The following TFDP1 variants were observed in gnomAD, a reference collection of about 807,000 sequenced individuals.
TFDP1 encodes transcription factor Dp-1.
A neutral mutation model predicts 48.0 loss-of-function variants in TFDP1; 6 were observed. The ratio of observed to expected loss-of-function variants is 0.13; its 90% CI spans 0.07 to 0.25. TFDP1 has a LOEUF of 0.25. Ranked by LOEUF, TFDP1 falls within the 10% of genes least tolerant of loss-of-function variation. TFDP1 has a pLI of 1.00. For synonymous variants in TFDP1, 201 were observed against 211.6 expected (o/e 0.95, Z 0.44); for missense variants, 335 against 543.0 (o/e 0.62, Z 3.81).
At chr13:113,594,517 C>T (rs1009423112) in intron 2 of TFDP1, among the ~76,000 whole-genome samples, 1 of 148,000 alleles carries the variant, frequency 6.8e-6, no homozygotes, top group Non-Finnish European at 1.5e-5. Flanking sequence ...GTCCTCAGCC[C>T]TGCCCAGGTG....
intron 2 of TFDP1, among the ~76,000 whole-genome samples, chr13:113,595,269 G>A (rs2140302472): frequency 6.6e-6 from 1 of 152,312 alleles, no homozygotes; most frequent in East Asian, 1.9e-4. Context: ...CCCCTTCTTG[G>A]AGAGTGGGCC....
chr13:113,633,182 G>A lies in TFDP1; in HGVS notation c.371G>A (p.Cys124Tyr). Residue 124 changes from cysteine to tyrosine, a missense_variant, in exon 6 of 12, where the codon TGC becomes TAC. This residue lies in a region of TFDP1 where 28 missense variants were observed against 115.5 expected (regional missense o/e 0.24). Coordinates refer to ENST00000375370, the MANE Select transcript of TFDP1 (RefSeq NM_007111.5). The surrounding 1 kb of genome is among the most constrained non-coding windows in gnomAD (Gnocchi z 4.5). ...KGLRHFSMKV[C>Y]EKVQRKGTTS... ...CTACGGCATTTCTCCATGAAGGTCTGCGAGAAGGTGCAGAGGAAAGGGACC... is the reference window on the plus strand; with the variant it reads ...CTACGGCATTTCTCCATGAAGGTCTACGAGAAGGTGCAGAGGAAAGGGACC... 1 of 1,614,158 alleles carries A rather than the reference G, an allele frequency of 6.2e-7. No individual in the cohort carries two copies.
At position 113,640,105 on chromosome 13, in the gene TFDP1, C is replaced by T. The variant is rs1594550952; in HGVS notation, c.1086-15C>T. The T allele has an allele frequency of 1.3e-6, 2 of 1,578,608 alleles. No individual in the cohort carries two copies. Among genetic ancestry groups the T allele is most frequent in the East Asian group, 4.6e-5 (2 of 43,332 alleles). On this transcript the variant is annotated splice_polypyrimidine_tract_variant and intron_variant, in intron 11 of 11. Coordinates refer to ENST00000375370, the MANE Select transcript of TFDP1 (RefSeq NM_007111.5). The stretch of plus-strand genomic sequence containing the variant: ...CCGCCTGCACTGACGGCGCCATCCG[C>T]CTCCTGCCTTGCAGTGACCTGACCA...
In TFDP1 at chr13:113,640,657, T is replaced by C. The variant is rs1594552408; in HGVS notation, c.*390T>C. The C allele has an allele frequency of 3.9e-6, 1 of 258,994 alleles. No individual in the cohort carries two copies. The highest frequency in any genetic ancestry group is 1.7e-4 in the East Asian group (1 of 5,874). 16.0% of individuals were successfully genotyped at this position (258,994 alleles called of 1,614,324 possible). A position where few individuals can be genotyped will look rare whatever the true frequency, so the allele number is the denominator to read the frequency against. On this transcript the variant is annotated 3_prime_UTR_variant, in exon 12 of 12. Coordinates refer to ENST00000375370, the MANE Select transcript of TFDP1 (RefSeq NM_007111.5). ...GATGGTGAGCCCCTGATGCCGCTTA[T>C]TTGCCGTGAGTTTGGACGGCACCCC...
intron 4 of TFDP1, among the ~76,000 whole-genome samples, chr13:113,630,238 C>G (rs185392012): frequency 6.6e-6 from 1 of 152,092 alleles, no homozygotes; most frequent in African/African-American, 2.4e-5. Flanking sequence ...GGAGATTTAT[C>G]TTTTGTATGG....
intron 3 of TFDP1, among the ~76,000 whole-genome samples, chr13:113,613,444 T>C (rs1876278285): frequency 6.6e-6 from 1 of 152,278 alleles, no homozygotes; most frequent in Non-Finnish European, 1.5e-5. Flanking sequence ...CAATGTTCAC[T>C]TCCGGTGTTC....
chr13:113,638,256 C>T (rs1020951183), intron 11 of TFDP1, among the ~76,000 whole-genome samples: 1 of 152,118 alleles, frequency 6.6e-6, no homozygotes, highest in Admixed American at 6.5e-5. Flanking sequence ...GGTCACAGCG[C>T]ACGTATTTTT....
rs920193858 is a variant in TFDP1 at position 113,627,238 on chromosome 13, G to A, written c.186+3952G>A. On this transcript the variant is annotated intron_variant, in intron 4 of 11. Coordinates refer to ENST00000375370, the MANE Select transcript of TFDP1 (RefSeq NM_007111.5). The surrounding 1 kb of genome is among the most constrained non-coding windows in gnomAD (Gnocchi z 4.1). ...ACCTGCACCAGTCAGCAGGCGCAGG[G>A]CTTGTCAAGGTCAGGGTCTTTTGAG... 1.3e-5 allele frequency among the ~76,000 whole-genome samples: 2 copies of A among 152,214 alleles called. No homozygotes were observed. The highest frequency in any genetic ancestry group is 4.8e-5 in the African/African-American group (2 of 41,440).
chr13:113,595,062 T>C (rs1432101746), intron 2 of TFDP1, among the ~76,000 whole-genome samples: 1 of 152,242 alleles, frequency 6.6e-6, no homozygotes, highest in African/African-American at 2.4e-5. Flanking sequence ...GTGTTTTCTC[T>C]GGTCAGTTAT....
chr13:113,600,490 G>A (rs1322211942), intron 2 of TFDP1, among the ~76,000 whole-genome samples: 3 of 81,800 alleles, frequency 3.7e-5, no homozygotes, highest in African/African-American at 2.2e-4. Flanking sequence ...CCATGAGAGA[G>A]AATCCTTGTA....
At chr13:113,606,815 G>A (rs1393683479) in intron 2 of TFDP1, among the ~76,000 whole-genome samples, 1 of 152,172 alleles carries the variant, frequency 6.6e-6, no homozygotes, top group Non-Finnish European at 1.5e-5. Context: ...TATTTTCAGT[G>A]TTTGTCAAAC....
intron 1 of TFDP1, 97 bp from the exon 2 acceptor site, chr13:113,585,677 G>A: frequency 1.5e-6 from 1 of 688,368 alleles, no homozygotes; most frequent in Non-Finnish European, 2.4e-6. Context: ...TGGGAAGGAA[G>A]GTCCGCGTTT....
intron 4 of TFDP1, 109 bp from the exon 5 acceptor site, chr13:113,631,514 G>C (rs1380923760): frequency 7.1e-7 from 1 of 1,407,864 alleles, no homozygotes; most frequent in East Asian, 2.5e-5. Context: ...GCTGCTCACT[G>C]TGGTTAAGGA....
chr13:113,628,945 G>A (rs2049262526), intron 4 of TFDP1, among the ~76,000 whole-genome samples: 1 of 152,226 alleles, frequency 6.6e-6, no homozygotes, highest in Admixed American at 6.5e-5. Flanking sequence ...CTGTGGCACA[G>A]GCGGCCGGCC....
intron 2 of TFDP1, among the ~76,000 whole-genome samples, chr13:113,592,008 G>A (rs1309546855): frequency 6.6e-6 from 1 of 152,206 alleles, no homozygotes; most frequent in Non-Finnish European, 1.5e-5. Context: ...TCCCGACTCC[G>A]CTTCAGGGCT....
At chr13:113,613,643 G>A (rs1175852082) in intron 3 of TFDP1, among the ~76,000 whole-genome samples, 2 of 150,178 alleles carry the variant, frequency 1.3e-5, no homozygotes, top group African/African-American at 4.9e-5. Context: ...GTGCATGTGT[G>A]TCTGCGTGAA....
chr13:113,588,140 G>A (rs912210211), intron 2 of TFDP1, among the ~76,000 whole-genome samples: 2 of 152,260 alleles, frequency 1.3e-5, no homozygotes, highest in African/African-American at 4.8e-5. Flanking sequence ...GTGAGCCGCT[G>A]TGCCCAGCCC....
At chr13:113,615,816 G>C (rs1396553137) in intron 3 of TFDP1, among the ~76,000 whole-genome samples, 1 of 152,174 alleles carries the variant, frequency 6.6e-6, no homozygotes, top group Non-Finnish European at 1.5e-5. Context: ...GGAGGCTGGG[G>C]CAGGAGGATC....
intron 3 of TFDP1, among the ~76,000 whole-genome samples, chr13:113,619,157 GAA>G (rs1371902530): frequency 4.6e-5 from 7 of 152,180 alleles, no homozygotes; most frequent in Non-Finnish European, 7.3e-5. Flanking sequence ...GTTTGTATTT[GAA>G]AAGTTTCTCA....
Sources: allele counts gnomAD v4.1 joint callset (sites outside exome capture counted in the v4.1 genomes callset), GRCh38; gene constraint gnomAD v4.1.1; regional missense constraint gnomAD v4.1.1; non-coding constraint Gnocchi (gnomAD v3.1); transcripts MANE v1.5; gene names NCBI Gene and HGNC (gene_info 2026-07-23, HGNC 2026-07-21).